Variants in RNF144A observed in about 807,000 individuals in gnomAD.
RNF144A encodes the protein ring finger protein 144A.
A neutral mutation model predicts 38.7 loss-of-function variants in RNF144A; 11 were observed. The observed-to-expected ratio is 0.28, with a 90% CI of 0.18 to 0.47. The LOEUF is 0.47. RNF144A is among the 20% of genes least tolerant of loss of function. The probability of loss-of-function intolerance (pLI) is 0.99; values close to 1 mark genes in which losing one functional copy is unlikely to be tolerated. For synonymous variants in RNF144A, 149 were observed against 143.9 expected (o/e 1.04, Z -0.25); for missense variants, 316 against 377.2 (o/e 0.84, Z 1.34).
chr2:6,965,472 G>C (rs1667608851), intron 2 of RNF144A, among the ~76,000 whole-genome samples: 1 of 152,180 alleles, frequency 6.6e-6, no homozygotes. Context: ...TATATTCAGG[G>C]CCTTTATGGA....
chr2:6,942,320 G>A (rs191486373), intron 2 of RNF144A, among the ~76,000 whole-genome samples: 19 of 151,444 alleles, frequency 1.3e-4, no homozygotes, highest in East Asian at 3.9e-4. Flanking sequence ...CTCAGAGGAC[G>A]TTGCAGAGGG....
intron 1 of RNF144A, among the ~76,000 whole-genome samples, chr2:6,924,510 G>C (rs968129069): frequency 2.0e-5 from 3 of 152,212 alleles, no homozygotes; most frequent in Admixed American, 6.5e-5. Flanking sequence ...TGTAGAGAAG[G>C]GGGTGCTCTG....
intron 2 of RNF144A, among the ~76,000 whole-genome samples, chr2:6,976,541 C>T (rs1668325973): frequency 6.7e-6 from 1 of 150,148 alleles, no homozygotes; most frequent in Non-Finnish European, 1.5e-5. Flanking sequence ...CTTTGGTTTG[C>T]AGAAGGTTTT....
At chr2:7,026,674 G>T (rs1205483779) in intron 7 of RNF144A, among the ~76,000 whole-genome samples, 1 of 152,144 alleles carries the variant, frequency 6.6e-6, no homozygotes, top group African/African-American at 2.4e-5. Context: ...ATTAGAAATG[G>T]ACTGACAGAA....
At position 6,944,846 on chromosome 2, in the gene RNF144A, A is replaced by G. The variant is rs764286340; in HGVS notation, c.-12+3699A>G. Among the ~76,000 whole-genome samples the G allele has an allele frequency of 2.3e-4, 35 of 152,216 alleles. No homozygotes were observed. Among genetic ancestry groups the G allele is most frequent in the Non-Finnish European group, 4.4e-4 (30 of 68,038 alleles). ...CATATTCACAAAAGAGTCATGGTGA[A>G]GTGGCCAAAATACTAGAAAATGACA... is the stretch of plus-strand genomic sequence containing the variant. On this transcript the variant is annotated intron_variant, in intron 2 of 8. Transcript: ENST00000320892. The surrounding 1 kb of genome is among the most constrained non-coding windows in gnomAD (Gnocchi z 4.7).
intron 2 of RNF144A, among the ~76,000 whole-genome samples, chr2:6,966,440 A>C (rs1415049004): frequency 6.6e-6 from 1 of 152,230 alleles, no homozygotes; most frequent in Non-Finnish European, 1.5e-5. Context: ...AGCAACACGA[A>C]GACTAAACAG....
At chr2:7,033,114 C>T (rs1204994735) in intron 8 of RNF144A, among the ~76,000 whole-genome samples, 3 of 152,252 alleles carry the variant, frequency 2.0e-5, no homozygotes, top group Admixed American at 2.0e-4. Flanking sequence ...AGAGCAGGTG[C>T]TTTCCACAGG....
In RNF144A at chr2:7,042,445, G is replaced by A; in HGVS notation, c.*2685G>A. On this transcript the variant is annotated 3_prime_UTR_variant, in exon 9 of 9. Coordinates refer to ENST00000320892, the MANE Select transcript of RNF144A (RefSeq NM_014746.6). ...CAAGCCCCAGAAGCATATGGCATGTGTTCACTAAGAGGCCTTTAATCCTGG... is the reference window on the plus strand; with the variant it reads ...CAAGCCCCAGAAGCATATGGCATGTATTCACTAAGAGGCCTTTAATCCTGG... 1 of 985,472 alleles carries A rather than the reference G, an allele frequency of 1.0e-6. No homozygotes were observed. Among genetic ancestry groups the A allele is most frequent in the Non-Finnish European group, 1.2e-6 (1 of 829,940 alleles). 61.0% of individuals were successfully genotyped at this position (985,472 alleles called of 1,614,324 possible).
chr2:7,027,533 T>C (rs1018511028), intron 7 of RNF144A, among the ~76,000 whole-genome samples: 3 of 152,168 alleles, frequency 2.0e-5, no homozygotes, highest in African/African-American at 7.2e-5. Flanking sequence ...TCTGTCAAAC[T>C]CTAAAAACCA....
At chr2:6,983,620 A>G (rs1424537381) in intron 2 of RNF144A, among the ~76,000 whole-genome samples, 2 of 151,464 alleles carry the variant, frequency 1.3e-5, no homozygotes, top group African/African-American at 4.9e-5. Flanking sequence ...CCTCTCACCC[A>G]CTCTCCTGGA....
intron 1 of RNF144A, among the ~76,000 whole-genome samples, chr2:6,923,357 G>T (rs2103269088): frequency 6.6e-6 from 1 of 152,248 alleles, no homozygotes; most frequent in South Asian, 2.1e-4. Context: ...AAGCCTGTCG[G>T]TGTCTGTTAA....
At position 6,959,803 on chromosome 2, in the gene RNF144A, G is replaced by T. The variant is rs190635708; in HGVS notation, c.-12+18656G>T. ...TAAAGATCACCACCCCCCCCATACT[G>T]TTTCATTGAGGATTAAGTTTCAGCA... On this transcript the variant is annotated intron_variant, in intron 2 of 8. Transcript: ENST00000320892. 1.7e-3 allele frequency among the ~76,000 whole-genome samples: 252 copies of T among 152,252 alleles called. 2 individuals carry two copies. Among genetic ancestry groups the T allele is most frequent in the Admixed American group, 9.0e-3 (138 of 15,306 alleles).
rs1195437202 is a variant in RNF144A, at chr2:6,917,757, C to T, written c.-212+135C>T. 6.7e-6 allele frequency: 1 copy of T among 149,484 alleles called. No individual in the cohort carries two copies. The highest frequency in any genetic ancestry group is 2.4e-5 in the African/African-American group (1 of 41,062). 9.3% of individuals were successfully genotyped at this position (149,484 alleles called of 1,614,324 possible). ...CGCGCCTGCCCCGCTGGGTCCTGCC[C>T]CGGCGCCCGGTGGCAGCGGGCGGGG... On this transcript the variant is annotated intron_variant, in intron 1 of 8. Coordinates refer to ENST00000320892, the MANE Select transcript of RNF144A (RefSeq NM_014746.6). This position sits in a 1 kb window ranked among gnomAD's most constrained non-coding sequence, Gnocchi z 4.8.
chr2:7,058,918 CTGTA>C (rs1203873939), intron 6 of RNF144A, among the ~76,000 whole-genome samples: 3 of 152,102 alleles, frequency 2.0e-5, no homozygotes, highest in Non-Finnish European at 4.4e-5. Flanking sequence ...CCTGCATCAC[CTGTA>C]TGTATGCAGG....
intron 2 of RNF144A, among the ~76,000 whole-genome samples, chr2:6,957,078 T>C (rs905181766): frequency 2.6e-5 from 4 of 152,144 alleles, no homozygotes; most frequent in African/African-American, 7.2e-5. Context: ...TGAGGAATAA[T>C]TGGTGGCCCT....
rs1477498887 is a variant in RNF144A at position 7,008,584 on chromosome 2, C to G, written c.136-5870C>G. ...CTCAGCACTGCTGCTGCCTCCTGGCCTACTGCACCCCATGCTTCCCTGTCC... is the reference window on the plus strand; with the variant it reads ...CTCAGCACTGCTGCTGCCTCCTGGCGTACTGCACCCCATGCTTCCCTGTCC... On this transcript the variant is annotated intron_variant, in intron 3 of 8. Coordinates refer to ENST00000320892, the MANE Select transcript of RNF144A (RefSeq NM_014746.6). Among the ~76,000 whole-genome samples the G allele has an allele frequency of 4.6e-5, 7 of 152,248 alleles. No individual in the cohort carries two copies. In the South Asian group the frequency reaches 1.4e-3, roughly 31 times the overall value.
chr2:7,055,960 C>T (rs902403404), intron 6 of RNF144A, among the ~76,000 whole-genome samples: 8 of 152,156 alleles, frequency 5.3e-5, no homozygotes, highest in African/African-American at 9.7e-5. Flanking sequence ...AACCTACTGA[C>T]GTCTAGTGAG....
At chr2:7,061,573 CG>C (rs1673957728) in intron 6 of RNF144A, among the ~76,000 whole-genome samples, 1 of 152,098 alleles carries the variant, frequency 6.6e-6, no homozygotes, top group Non-Finnish European at 1.5e-5. Flanking sequence ...CACATTTCTA[CG>C]GGCCATGTTT....
chr2:6,932,832 T>C (rs1350213500), intron 1 of RNF144A, among the ~76,000 whole-genome samples: 2 of 152,246 alleles, frequency 1.3e-5, no homozygotes, highest in African/African-American at 4.8e-5. Flanking sequence ...TCCATAGCTA[T>C]AATTTGACAA....
Sources: allele counts gnomAD v4.1 joint callset (sites outside exome capture counted in the v4.1 genomes callset), GRCh38; gene constraint gnomAD v4.1.1; non-coding constraint Gnocchi (gnomAD v3.1); transcripts MANE v1.5; gene names NCBI Gene and HGNC (gene_info 2026-07-23, HGNC 2026-07-21).